The following HELLS variants were observed in gnomAD, a reference collection of about 807,000 sequenced individuals.
The protein encoded by HELLS is lymphoid-specific helicase.
In HELLS, 32 loss-of-function variants were observed where a neutral mutation model predicts 120.0. The ratio of observed to expected loss-of-function variants is 0.27; its 90% CI spans 0.20 to 0.36. HELLS has a LOEUF of 0.36. Ranked by LOEUF, HELLS falls within the 10% of genes least tolerant of loss-of-function variation. HELLS has a pLI of 1.00. For synonymous variants in HELLS, 341 were observed against 323.4 expected, an observed-to-expected ratio of 1.05 and a Z score of -0.58; for missense variants, 650 against 993.4, an observed-to-expected ratio of 0.65 and a Z score of 4.65.
chr10:94,575,755 G>GT (rs1844416969), intron 9 of HELLS, among the ~76,000 whole-genome samples: 1 of 984 alleles, frequency 1.0e-3, no homozygotes, highest in East Asian at 0.17. Flanking sequence ...GTTTTTTGTT[G>GT]GGGGGGGGGT....
At chr10:94,583,938 G>A in intron 12 of HELLS, 1 of 480,758 alleles carries the variant, frequency 2.1e-6, no homozygotes, top group South Asian at 3.8e-5. Flanking sequence ...CAAGGTTGTA[G>A]TATCTGTATT....
At chr10:94,576,944 G>A (rs1589735880) in intron 10 of HELLS, 139 bp downstream of exon 10, 6 of 684,202 alleles carry the variant, frequency 8.8e-6, no homozygotes, top group East Asian at 8.3e-5. Flanking sequence ...GCATATACCT[G>A]TAGAAGCTGG....
At position 94,574,086 on chromosome 10, in the gene HELLS, G is replaced by C; in HGVS notation, c.604G>C (p.Val202Leu). 6.2e-7 allele frequency: 1 copy of C among 1,613,922 alleles called. No homozygotes were observed. Among genetic ancestry groups the C allele is most frequent in the East Asian group, 2.2e-5 (1 of 44,856 alleles). Reference sequence around the variant, plus strand: ...GAATACTAAATTCTTTTTTGACCCAGTCCGGAAGTGTAATGGTCAGCCAGT... The same window carrying C: ...GAATACTAAATTCTTTTTTGACCCACTCCGGAAGTGTAATGGTCAGCCAGT... The part of the protein sequence containing the change: ...RQNTKFFFDP[V>L]RKCNGQPVPF... The change falls in exon 8 of 22, where the codon GTC (valine) becomes CTC (leucine). Residue 202 changes from valine (V) to leucine (L), a missense_variant. This residue lies in a region of HELLS where 113 missense variants were observed against 120.7 expected (regional missense o/e 0.94). Coordinates refer to ENST00000348459, the MANE Select transcript of HELLS (RefSeq NM_018063.5).
rs138564054 is a variant in HELLS, at chr10:94,593,731, C to T, written c.2088+116C>T. 3.0e-3 allele frequency: 1,860 copies of T among 620,028 alleles called. 25 individuals carry two copies. In the African/African-American group the frequency reaches 0.031, roughly 10 times the overall value. The allele number at this position is 620,028 out of a possible 1,614,324, so 38.4% of individuals were successfully genotyped here. ...AGGCTGGAGTGCAGTGGCACGATCTCGGCTCACTGCAACCTTCACCTCCTG... is the reference window on the plus strand; with the variant it reads ...AGGCTGGAGTGCAGTGGCACGATCTTGGCTCACTGCAACCTTCACCTCCTG... On this transcript the variant is annotated intron_variant, in intron 18 of 21. Coordinates refer to ENST00000348459, the MANE Select transcript of HELLS (RefSeq NM_018063.5).
chr10:94,600,386 A>C (rs1414054914), intron 21 of HELLS, among the ~76,000 whole-genome samples: 1 of 152,310 alleles, frequency 6.6e-6, no homozygotes, highest in East Asian at 1.9e-4. Flanking sequence ...GAACCAAGAC[A>C]GTTTTGAAGC....
At chr10:94,604,176 G>A (rs916236706), downstream of HELLS, among the ~76,000 whole-genome samples, 2 of 148,354 alleles carry the variant, frequency 1.3e-5, no homozygotes, top group African/African-American at 5.0e-5. Context: ...CTGGGCTGAA[G>A]TACAGTGGTG....
At position 94,574,661 on chromosome 10, in the gene HELLS, A is replaced by T. The variant is rs1373467213; in HGVS notation, c.813A>T (p.Pro271=). 1.2e-5 allele frequency: 20 copies of T among 1,613,890 alleles called. No individual in the cohort carries two copies. The highest frequency in any genetic ancestry group is 1.6e-5 in the Non-Finnish European group (19 of 1,179,828). The stretch of plus-strand genomic sequence containing the variant: ...CATTGATGATTCAGAGAGGAGTACC[A>T]GGACCTTTTCTTGTCTGTGGCCCTT... ...TIALMIQRGV[P]GPFLVCGPLS... is the part of the protein sequence containing the mutation. Residue 271 remains proline (P), a synonymous_variant, in exon 9 of 22, where the codon CCA becomes CCT. Coordinates refer to ENST00000348459, the MANE Select transcript of HELLS (RefSeq NM_018063.5).
chr10:94,584,911 G>A (rs147998934), intron 12 of HELLS, among the ~76,000 whole-genome samples: 4 of 152,134 alleles, frequency 2.6e-5, no homozygotes, highest in Middle Eastern at 3.4e-3. Flanking sequence ...TTAAATTTGA[G>A]TTTATATTAC....
chr10:94,591,240 G>A (rs1274888655), intron 15 of HELLS, among the ~76,000 whole-genome samples: 1 of 152,206 alleles, frequency 6.6e-6, no homozygotes, highest in Non-Finnish European at 1.5e-5. Flanking sequence ...ATTTTAGAGA[G>A]AGTGGTCATC....
At chr10:94,605,523 T>C (rs1354044847), downstream of HELLS, among the ~76,000 whole-genome samples, 2 of 152,326 alleles carry the variant, frequency 1.3e-5, no homozygotes, top group East Asian at 3.9e-4. Flanking sequence ...TGGATTCTTA[T>C]ATTTGATGGA....
intron 12 of HELLS, among the ~76,000 whole-genome samples, chr10:94,587,626 C>A (rs1255842667): frequency 6.6e-6 from 1 of 152,188 alleles, no homozygotes; most frequent in African/African-American, 2.4e-5. Flanking sequence ...TGGGGTTTCA[C>A]CATGTTCACC....
intron 21 of HELLS, 114 bp downstream of exon 21, chr10:94,597,225 G>T (rs902261914): frequency 1.7e-6 from 1 of 574,318 alleles, no homozygotes; most frequent in Non-Finnish European, 3.0e-6. Context: ...TTGTTTTATT[G>T]TCATTTTTCT....
chr10:94,545,800 C>T lies in HELLS; in HGVS notation c.-122C>T. 1.8e-6 allele frequency: 2 copies of T among 1,138,886 alleles called. No individual in the cohort carries two copies. The highest frequency in any genetic ancestry group is 2.0e-5 in the Admixed American group (1 of 50,470). 70.5% of individuals were successfully genotyped at this position (1,138,886 alleles called of 1,614,324 possible). A position where few individuals can be genotyped will look rare whatever the true frequency, so the allele number is the denominator to read the frequency against. ...AGGATTTTCCCGCGAAGGAGAAGCG[C>T]GCTTTTTTCCCTGGCGGGGGATTTG... On this transcript the variant is annotated 5_prime_UTR_variant, in exon 1 of 22. Coordinates refer to ENST00000348459, the MANE Select transcript of HELLS (RefSeq NM_018063.5).
At chr10:94,577,078 A>G in intron 10 of HELLS, 1 of 540,930 alleles carries the variant, frequency 1.8e-6, no homozygotes, top group South Asian at 1.6e-5. Flanking sequence ...GGAATGTATT[A>G]CAGATATATT....
intron 9 of HELLS, 81 bp downstream of exon 9, chr10:94,574,817 A>T: frequency 3.6e-6 from 4 of 1,120,794 alleles, no homozygotes; most frequent in Non-Finnish European, 5.1e-6. Context: ...AAATTGTAGA[A>T]CTCTTATAAT....
At position 94,576,796 on chromosome 10, in the gene HELLS, T is replaced by C. The variant is rs183297880; in HGVS notation, c.1023T>C (p.Asn341=). ...TSFEIAMRDR[N]ALQHCYWKYL... ...TTGAAATAGCCATGAGAGACCGAAA[T>C]GCGTTACAGGTACAAATGATCTTCA... is the stretch of plus-strand genomic sequence containing the variant. The change falls in exon 10 of 22, where the codon AAT becomes AAC. Residue 341 remains asparagine (N), a synonymous_variant. Transcript: ENST00000348459. 2.1e-5 allele frequency: 33 copies of C among 1,605,698 alleles called. No homozygotes were observed. The East Asian group carries it at 6.9e-4, about 34-fold the overall frequency.
intron 2 of HELLS, among the ~76,000 whole-genome samples, chr10:94,552,180 G>A (rs947431462): frequency 5.9e-5 from 9 of 152,266 alleles, no homozygotes; most frequent in African/African-American, 1.9e-4. Context: ...GAAAAGTAGA[G>A]GAATTGGTTT....
At position 94,554,142 on chromosome 10, in the gene HELLS, A is replaced by T. The variant is rs781134124; in HGVS notation, c.170A>T (p.Asp57Val). Residue 57 changes from aspartate to valine, a missense_variant, in exon 3 of 22, where the codon GAT becomes GTT. By Grantham distance (152) the Asp-to-Val change is radical. This residue lies in a region of HELLS where 90 missense variants were observed against 93.6 expected (regional missense o/e 0.96). Coordinates refer to ENST00000348459, the MANE Select transcript of HELLS (RefSeq NM_018063.5). ...KMLEKARMSW[D>V]RESTEIRYRR... The stretch of plus-strand genomic sequence containing the variant: ...TTTGGATAGGCTCGCATGTCTTGGG[A>T]TAGAGAGTCGACAGAAATTCGGTAC... 1 of 1,584,680 alleles carries T rather than the reference A, an allele frequency of 6.3e-7. No homozygotes were observed. The highest frequency in any genetic ancestry group is 1.4e-5 in the African/African-American group (1 of 73,154).
At chr10:94,593,077 A>AT (rs1845569608) in intron 17 of HELLS, among the ~76,000 whole-genome samples, 1 of 152,276 alleles carries the variant, frequency 6.6e-6, no homozygotes, top group Non-Finnish European at 1.5e-5. Context: ...TAATGTATAC[A>AT]TTTGCTGAAT....
Sources: gnomAD v4.1 joint callset for allele counts (sites outside exome capture counted in the v4.1 genomes callset) on GRCh38, gnomAD v4.1.1 for gene constraint, gnomAD v4.1.1 regional missense constraint, MANE v1.5 for transcripts, NCBI Gene and HGNC (gene_info 2026-07-23, HGNC 2026-07-21) for gene names.